Variants in DNASE1L3 observed in about 807,000 individuals in gnomAD.
DNASE1L3 encodes deoxyribonuclease 1L3, also known as deoxyribonuclease gamma.
A neutral mutation model predicts 30.9 loss-of-function variants in DNASE1L3; 27 were observed. The ratio of observed to expected loss-of-function variants is 0.87; its 90% confidence interval spans 0.64 to 1.20. The LOEUF is 1.20. DNASE1L3 is among the 50% of genes most tolerant of loss of function. The pLI, the probability that DNASE1L3 is intolerant of heterozygous loss-of-function variation, is 0.00. For missense variants in DNASE1L3, 364 were observed against 378.2 expected (o/e 0.96, Z 0.31); for synonymous variants, 135 against 138.0 (o/e 0.98, Z 0.15).
At chr3:58,205,352 T>C (rs1334441388) in intron 3 of DNASE1L3, 119 bp downstream of exon 3, 8 of 912,424 alleles carry the variant, frequency 8.8e-6, no homozygotes, top group Non-Finnish European at 1.3e-5. Context: ...AGCAATTATT[T>C]TGATGAACAC....
chr3:58,194,695 G>A (rs575332824), intron 6 of DNASE1L3, among the ~76,000 whole-genome samples: 240 of 142,220 alleles, frequency 1.7e-3, no homozygotes, highest in African/African-American at 6.2e-3. Context: ...GCGCAATCTC[G>A]GCTCACTGCA....
intron 2 of DNASE1L3, among the ~76,000 whole-genome samples, 187 bp from the exon 3 acceptor site, chr3:58,205,747 T>G (rs2107379233): frequency 6.6e-6 from 1 of 152,380 alleles, no homozygotes; most frequent in Middle Eastern, 3.4e-3. Flanking sequence ...TCTGCCACGA[T>G]CTTTACAGCC....
chr3:58,210,221 G>C (rs1003881704), intron 1 of DNASE1L3, among the ~76,000 whole-genome samples: 15 of 54,976 alleles, frequency 2.7e-4, no homozygotes, highest in Admixed American at 7.0e-4. Context: ...AAAGAAAAAG[G>C]AAGAAAGAAA....
At position 58,210,913 on chromosome 3, in the gene DNASE1L3, G is replaced by A. The variant is rs111630258; in HGVS notation, c.-7C>T. ...GGGCCAGCTCCCGTGACATCCTGGC[G>A]CTGCTCTGGCTTCAAGACTCTGTGA... On this transcript the variant is annotated 5_prime_UTR_variant, in exon 1 of 8. Transcript: ENST00000394549. 7.0e-4 allele frequency: 1,122 copies of A among 1,613,250 alleles called. 6 individuals are homozygous for A. In the African/African-American group the frequency reaches 0.013, roughly 19 times the overall value.
chr3:58,209,290 A>T (rs900858645), intron 1 of DNASE1L3, among the ~76,000 whole-genome samples: 2 of 152,134 alleles, frequency 1.3e-5, no homozygotes, highest in Non-Finnish European at 2.9e-5. Context: ...TGCTCAGGGG[A>T]GATGCAGAGT....
chr3:58,195,724 T>C (rs917882482), intron 6 of DNASE1L3, among the ~76,000 whole-genome samples: 4 of 150,526 alleles, frequency 2.7e-5, no homozygotes, highest in Non-Finnish European at 5.9e-5. Context: ...AGGCGGAGGT[T>C]GCAGTGAGCC....
intron 5 of DNASE1L3, among the ~76,000 whole-genome samples, chr3:58,198,599 G>A (rs1415868889): frequency 6.6e-6 from 1 of 152,182 alleles, no homozygotes; most frequent in Non-Finnish European, 1.5e-5. Context: ...TTAACAGGAA[G>A]GAGAATGTTT....
chr3:58,197,064 G>GT lies in DNASE1L3; in HGVS notation c.704+756dup, dbSNP rs765484163. Reference sequence around the variant, plus strand: ...ATGGGGATTGGGCGCATCAATTGCGGTAAGTCTTTGTGATGGAACAATGAT... The same window carrying GT: ...ATGGGGATTGGGCGCATCAATTGCGGTTAAGTCTTTGTGATGGAACAATGAT... On this transcript the variant is annotated intron_variant, in intron 6 of 7. Transcript: ENST00000394549. The surrounding 1 kb of genome is among the most constrained non-coding windows in gnomAD (Gnocchi z 5.3). Among the ~76,000 whole-genome samples, 1 of 152,204 alleles carries GT rather than the reference G, an allele frequency of 6.6e-6. No homozygotes were observed. Among genetic ancestry groups the GT allele is most frequent in the Non-Finnish European group, 1.5e-5 (1 of 68,042 alleles).
chr3:58,207,500 T>C (rs1183879525), intron 2 of DNASE1L3, among the ~76,000 whole-genome samples: 1 of 134,294 alleles, frequency 7.4e-6, no homozygotes, highest in Non-Finnish European at 1.6e-5. Flanking sequence ...ATCCTTCCAG[T>C]CTTTCATCTC....
intron 2 of DNASE1L3, chr3:58,207,984 T>C (rs1334336128): frequency 2.4e-6 from 1 of 425,376 alleles, no homozygotes; most frequent in Non-Finnish European, 4.2e-6. Flanking sequence ...CTTTTTTCAT[T>C]TCTTTCTGTG....
In DNASE1L3 at chr3:58,205,688, C is replaced by T. The variant is rs548422861; in HGVS notation, c.231-128G>A. The T allele has an allele frequency of 1.3e-4, 92 of 734,682 alleles. No homozygotes were observed. In the African/African-American group the frequency reaches 1.5e-3, roughly 12 times the overall value. The allele number at this position is 734,682 out of a possible 1,614,324, so 45.5% of individuals were successfully genotyped here. The stretch of plus-strand genomic sequence containing the variant: ...GTGGAAGGGCCACTGTTCATCATAA[C>T]CTTTGAGTCCAATGAGAGGAGCCAC... On this transcript the variant is annotated intron_variant, in intron 2 of 7. Coordinates refer to ENST00000394549, the MANE Select transcript of DNASE1L3 (RefSeq NM_004944.4).
chr3:58,202,536 G>A (rs73075998), intron 4 of DNASE1L3, among the ~76,000 whole-genome samples: 46,556 of 150,624 alleles, frequency 0.31, 7,358 homozygotes, highest in Middle Eastern at 0.37. Flanking sequence ...ATGAGCCACC[G>A]AGCCCAGTCG....
rs556216535 is a variant in DNASE1L3 at position 58,197,117 on chromosome 3, C to T, written c.704+704G>A. Among the ~76,000 whole-genome samples, 2 of 152,288 alleles carry T rather than the reference C, an allele frequency of 1.3e-5. No homozygotes were observed. The highest frequency in any genetic ancestry group is 4.8e-5 in the African/African-American group (2 of 41,548). ...GCCCATGAATGTAATGAGCACTTGC[C>T]GTATGCCAGGCATTGTGCTAGCAGC... On this transcript the variant is annotated intron_variant, in intron 6 of 7. Transcript: ENST00000394549. The surrounding 1 kb of genome is among the most constrained non-coding windows in gnomAD (Gnocchi z 5.3).
chr3:58,209,890 T>G (rs2107383889), intron 1 of DNASE1L3, among the ~76,000 whole-genome samples: 1 of 152,134 alleles, frequency 6.6e-6, no homozygotes, highest in East Asian at 1.9e-4. Flanking sequence ...CTTTCCAGAG[T>G]CCTGGGAAAG....
chr3:58,194,907 T>C (rs915136000), intron 6 of DNASE1L3, among the ~76,000 whole-genome samples: 1 of 152,092 alleles, frequency 6.6e-6, no homozygotes, highest in Non-Finnish European at 1.5e-5. Flanking sequence ...GGATTACAGG[T>C]GTGAGCCACC....
Position 58,201,122 on chromosome 3 carries a change from A to G in DNASE1L3, c.434-13T>C, listed in dbSNP as rs1176139659. ...AAGTCTTTGACAGCTGAGAAACAGG[A>G]AAGAGGCGGGGGTCACACACTTCCC... On this transcript the variant is annotated splice_polypyrimidine_tract_variant and intron_variant, in intron 4 of 7. Coordinates refer to ENST00000394549, the MANE Select transcript of DNASE1L3 (RefSeq NM_004944.4). 13 of 1,599,574 alleles carry G rather than the reference A, an allele frequency of 8.1e-6. No homozygotes were observed. Among genetic ancestry groups the G allele is most frequent in the Non-Finnish European group, 1.1e-5 (13 of 1,170,216 alleles).
At chr3:58,202,844 ACT>A (rs537473731) in intron 4 of DNASE1L3, among the ~76,000 whole-genome samples, 166 of 151,448 alleles carry the variant, frequency 1.1e-3, no homozygotes, top group African/African-American at 3.8e-3. Context: ...GAAGAGTGAA[ACT>A]CTGTCTAAAA....
Position 58,192,716 on chromosome 3 carries a change from T to G in DNASE1L3, c.889A>C (p.Arg297=). The G allele has an allele frequency of 6.2e-7, 1 of 1,614,174 alleles. No homozygotes were observed. Among genetic ancestry groups the G allele is most frequent in the Non-Finnish European group, 8.5e-7 (1 of 1,180,016 alleles). The change falls in exon 8 of 8, where the codon AGG becomes CGG. Residue 297 remains arginine (R), a synonymous_variant. Transcript: ENST00000394549. This position sits in a 1 kb window ranked among gnomAD's most constrained non-coding sequence, Gnocchi z 4.8. The part of the protein sequence containing the change: ...FTNSKKSVTL[R]KKTKSKRS ...GAGCGTTTGCTCTTTGTTTTCTTCC[T>G]TAGAGTGACAGATTTTTTGCTGTTG...
Position 58,205,488 on chromosome 3 carries a change from T to C in DNASE1L3, c.303A>G (p.Gln101=). 6.2e-7 allele frequency: 1 copy of C among 1,613,940 alleles called. No individual in the cohort carries two copies. The highest frequency in any genetic ancestry group is 8.5e-7 in the Non-Finnish European group (1 of 1,179,764). ...SRLGRNTYKE[Q]YAFLYKEKLV... is the part of the protein sequence containing the mutation. ...ATACTTACTTGTAGAGAAAGGCATA[T>C]TGTTCTTTATATGTGTTTCTTCCAA... is the stretch of plus-strand genomic sequence containing the variant. The change falls in exon 3 of 8, where the codon CAA becomes CAG. Residue 101 remains glutamine, a synonymous_variant. Coordinates refer to ENST00000394549, the MANE Select transcript of DNASE1L3 (RefSeq NM_004944.4).
Sources: allele counts gnomAD v4.1 joint callset (sites outside exome capture counted in the v4.1 genomes callset), GRCh38; gene constraint gnomAD v4.1.1; non-coding constraint Gnocchi (gnomAD v3.1); transcripts MANE v1.5; gene names NCBI Gene and HGNC (gene_info 2026-07-23, HGNC 2026-07-21).